Variants in RHOD observed in about 807,000 individuals in gnomAD.
The protein encoded by RHOD is ras homolog family member D, also known as rho-related GTP-binding protein RhoD.
A neutral mutation model predicts 16.7 loss-of-function variants in RHOD; 11 were observed. That is an observed-to-expected ratio of 0.66 (90% CI 0.41 to 1.09). The LOEUF (loss-of-function observed/expected upper bound fraction) is 1.09, where lower values mean the gene tolerates loss of function less well. Among genes scored for constraint, RHOD ranks in the 50% least tolerant of loss-of-function variants. The pLI is 0.00. For synonymous variants in RHOD, 124 were observed against 126.3 expected (o/e 0.98, Z 0.12); for missense variants, 271 against 291.7 (o/e 0.93, Z 0.52).
Position 67,065,959 on chromosome 11 carries a change from C to T in RHOD, c.196C>T (p.His66Tyr). The T allele has an allele frequency of 2.5e-6, 4 of 1,611,738 alleles. No individual in the cohort carries two copies. The South Asian group carries it at 4.4e-5, about 18-fold the overall frequency. Residue 66 changes from histidine to tyrosine, a missense_variant, in exon 2 of 5, where the codon CAC becomes TAC. Physicochemically the swap from His to Tyr is moderately conservative, Grantham distance 83. Coordinates refer to ENST00000308831, the MANE Select transcript of RHOD (RefSeq NM_014578.4). ...VNLQVKGKPV[H>Y]LHIWDTAGQD... ...CCTGCAAGTGAAAGGCAAACCTGTG[C>T]ACCTCCACATCTGGGACACAGCAGG...
In RHOD at chr11:67,071,901, T is replaced by G. The variant is rs942119532; in HGVS notation, c.*299T>G. 2.7e-6 allele frequency: 1 copy of G among 368,462 alleles called. No individual in the cohort carries two copies. Among genetic ancestry groups the G allele is most frequent in the Non-Finnish European group, 4.8e-6 (1 of 206,788 alleles). 22.8% of individuals were successfully genotyped at this position (368,462 alleles called of 1,614,324 possible). A position where few individuals can be genotyped will look rare whatever the true frequency, so the allele number is the denominator to read the frequency against. On this transcript the variant is annotated 3_prime_UTR_variant, in exon 5 of 5. Coordinates refer to ENST00000308831, the MANE Select transcript of RHOD (RefSeq NM_014578.4). ...CAGCCTGATGCCCCCTCGTGGCTGCTCCCAGGGCTGCACCTGCCAGGACCT... is the reference window on the plus strand; with the variant it reads ...CAGCCTGATGCCCCCTCGTGGCTGCGCCCAGGGCTGCACCTGCCAGGACCT...
intron 3 of RHOD, among the ~76,000 whole-genome samples, chr11:67,067,826 G>A (rs990944917): frequency 1.3e-5 from 2 of 152,074 alleles, no homozygotes; most frequent in African/African-American, 4.8e-5. Context: ...TTGAAACGGA[G>A]TCTTGCTCTG....
At chr11:67,067,146 G>A (rs953052580) in intron 3 of RHOD, among the ~76,000 whole-genome samples, 1 of 152,178 alleles carries the variant, frequency 6.6e-6, no homozygotes, top group Non-Finnish European at 1.5e-5. Context: ...CTCTGCCTGA[G>A]GTTGCTGGGT....
chr11:67,066,085 A>G, intron 2 of RHOD, 102 bp downstream of exon 2: 1 of 942,690 alleles, frequency 1.1e-6, no homozygotes, highest in Non-Finnish European at 1.6e-6. Flanking sequence ...GAGGCCAGCC[A>G]GTCTCCAAGG....
At chr11:67,069,927 G>A (rs917280954) in intron 3 of RHOD, among the ~76,000 whole-genome samples, 3 of 151,658 alleles carry the variant, frequency 2.0e-5, no homozygotes, top group African/African-American at 4.8e-5. Context: ...CTGACCTCAG[G>A]TGTTCCACCT....
At chr11:67,065,157 C>T (rs1366974987) in intron 1 of RHOD, among the ~76,000 whole-genome samples, 2 of 151,856 alleles carry the variant, frequency 1.3e-5, no homozygotes, top group Admixed American at 1.3e-4. Context: ...CTCACCGCAA[C>T]GTCCACCTCC....
At chr11:67,065,158 G>A (rs1407685742) in intron 1 of RHOD, among the ~76,000 whole-genome samples, 3 of 151,152 alleles carry the variant, frequency 2.0e-5, no homozygotes, top group African/African-American at 7.3e-5. Context: ...TCACCGCAAC[G>A]TCCACCTCCC....
chr11:67,057,190 T>C (rs1485852326), intron 1 of RHOD, among the ~76,000 whole-genome samples, 156 bp downstream of exon 1: 2 of 152,098 alleles, frequency 1.3e-5, no homozygotes, highest in Non-Finnish European at 2.9e-5. Context: ...GCCCCAGCCA[T>C]TGGGAATGAA....
In RHOD at chr11:67,065,999, TG is replaced by T; in HGVS notation, c.220+20del. 1 of 570,792 alleles carries T rather than the reference TG, an allele frequency of 1.8e-6. No individual in the cohort carries two copies. The highest frequency in any genetic ancestry group is 3.4e-6 in the Non-Finnish European group (1 of 293,860). The allele number at this position is 570,792 out of a possible 1,614,324, so 35.4% of individuals were successfully genotyped here. On this transcript the variant is annotated intron_variant, in intron 2 of 4. Transcript: ENST00000308831. ...GACACAGCAGGTGGGTGTGCAGGGG[TG>T]GGGCAGGGTGGGAGGGGCTTCTGTG... is the stretch of plus-strand genomic sequence containing the variant.
intron 3 of RHOD, among the ~76,000 whole-genome samples, chr11:67,067,382 A>T (rs1854971477): frequency 6.6e-6 from 1 of 152,158 alleles, no homozygotes; most frequent in African/African-American, 2.4e-5. Context: ...AGCCCATGAC[A>T]GTATTTGCAA....
At chr11:67,062,257 C>T (rs1854902206) in intron 1 of RHOD, among the ~76,000 whole-genome samples, 1 of 152,138 alleles carries the variant, frequency 6.6e-6, no homozygotes, top group African/African-American at 2.4e-5. Context: ...ATCCTCCCTC[C>T]CACATCATGG....
At chr11:67,060,418 C>A (rs1854871879) in intron 1 of RHOD, among the ~76,000 whole-genome samples, 2 of 152,208 alleles carry the variant, frequency 1.3e-5, no homozygotes, top group Non-Finnish European at 2.9e-5. Context: ...GTGACCCTGC[C>A]TGGGGGTCAA....
rs7483559 is a variant in RHOD at position 67,063,651 on chromosome 11, T to C, written c.133-2245T>C. Among the ~76,000 whole-genome samples the C allele has an allele frequency of 6.7e-4, 100 of 148,870 alleles. 1 individual carries two copies. The highest frequency in any genetic ancestry group is 2.4e-3 in the African/African-American group (97 of 40,280). The stretch of plus-strand genomic sequence containing the variant: ...CATCTCTACTAAAAGTACAAAAAAT[T>C]AGCCAGGTGTGCTGGCGTGTGCTTG... On this transcript the variant is annotated intron_variant, in intron 1 of 4. Transcript: ENST00000308831.
Position 67,066,003 on chromosome 11 carries a change from GCAGGGTGGGA to G in RHOD, c.220+21_220+30del. ...CAGCAGGTGGGTGTGCAGGGGTGGGGCAGGGTGGGAGGGGCTTCTGTGGGCCCCTGATGCC... is the reference window on the plus strand; with the variant it reads ...CAGCAGGTGGGTGTGCAGGGGTGGGGGGGGCTTCTGTGGGCCCCTGATGCC... On this transcript the variant is annotated intron_variant, in intron 2 of 4. Transcript: ENST00000308831. The G allele has an allele frequency of 1.5e-6, 2 of 1,304,120 alleles. No homozygotes were observed. The highest frequency in any genetic ancestry group is 2.2e-6 in the Non-Finnish European group (2 of 901,954). The allele number at this position is 1,304,120 out of a possible 1,614,324, so 80.8% of individuals were successfully genotyped here.
chr11:67,061,702 C>A (rs1446303074), intron 1 of RHOD, among the ~76,000 whole-genome samples: 2 of 95,432 alleles, frequency 2.1e-5, no homozygotes, highest in Non-Finnish European at 3.9e-5. Context: ...CCACTGCACT[C>A]CAGCCTGTCC....
Position 67,071,841 on chromosome 11 carries a change from C to G in RHOD, c.*239C>G. On this transcript the variant is annotated 3_prime_UTR_variant, in exon 5 of 5. Transcript: ENST00000308831. ...CGAGAATCACTCGCTAACCCCTATG[C>G]CCGGTCCCGGACCGACATCCTGGAG... The G allele has an allele frequency of 2.2e-6, 1 of 457,850 alleles. No homozygotes were observed. The highest frequency in any genetic ancestry group is 3.8e-6 in the Non-Finnish European group (1 of 261,592). 28.4% of individuals were successfully genotyped at this position (457,850 alleles called of 1,614,324 possible).
In RHOD at chr11:67,056,987, G is replaced by C; in HGVS notation, c.85G>C (p.Gly29Arg). ...GGTCCTGGTGGGCGACGGCGGCTGC[G>C]GGAAGACGTCGCTGCTGATGGTCTT... The part of the protein sequence containing the change: ...KVVLVGDGGC[G>R]KTSLLMVFAD... Residue 29 changes from glycine to arginine, a missense_variant, in exon 1 of 5, where the codon GGG (glycine) becomes CGG (arginine). By Grantham distance (125) the Gly-to-Arg change is moderately radical. Transcript: ENST00000308831. 6.6e-7 allele frequency: 1 copy of C among 1,510,750 alleles called. No homozygotes were observed. The highest frequency in any genetic ancestry group is 8.8e-7 in the Non-Finnish European group (1 of 1,139,300). 93.6% of individuals were successfully genotyped at this position (1,510,750 alleles called of 1,614,324 possible).
intron 3 of RHOD, among the ~76,000 whole-genome samples, chr11:67,068,223 C>T (rs1422801485): frequency 6.6e-6 from 1 of 152,218 alleles, no homozygotes; most frequent in Admixed American, 6.5e-5. Flanking sequence ...GCGATGCATG[C>T]GTCTGCAGTT....
chr11:67,059,472 G>A (rs1166258288), intron 1 of RHOD, among the ~76,000 whole-genome samples: 2 of 152,106 alleles, frequency 1.3e-5, no homozygotes, highest in African/African-American at 4.8e-5. Context: ...GAACTCAGGA[G>A]GTGGAGGTTG....
Sources: gnomAD v4.1 joint callset for allele counts (sites outside exome capture counted in the v4.1 genomes callset) on GRCh38, gnomAD v4.1.1 for gene constraint, MANE v1.5 for transcripts, NCBI Gene and HGNC (gene_info 2026-07-23, HGNC 2026-07-21) for gene names.